Variants in CFI observed in about 807,000 individuals in gnomAD.
CFI encodes complement factor I.
CFI carries 66 observed loss-of-function variants against 78.8 expected under a neutral mutation model. That is an observed-to-expected ratio of 0.84 (90% CI 0.69 to 1.03). The LOEUF is 1.03. Ranked by LOEUF, CFI falls within the 50% of genes least tolerant of loss-of-function variation. CFI has a pLI of 0.00. For synonymous variants in CFI, 250 were observed against 232.6 expected (o/e 1.07, Z -0.68); for missense variants, 706 against 704.5 (o/e 1.00, Z -0.02).
At chr4:109,750,913 T>C (rs1360268755) in intron 8 of CFI, among the ~76,000 whole-genome samples, 1 of 152,154 alleles carries the variant, frequency 6.6e-6, no homozygotes, top group Middle Eastern at 3.2e-3. Flanking sequence ...TATTATTCCT[T>C]GTATAAGAGC....
chr4:109,733,018 C>T, the CFI span, among the ~76,000 whole-genome samples: 1 of 151,616 alleles, frequency 6.6e-6, no homozygotes, highest in Non-Finnish European at 1.5e-5. Flanking sequence ...GTTGCCCAGG[C>T]TGGAGTACAG....
chr4:109,786,126 G>A (rs1235891786), intron 1 of CFI, among the ~76,000 whole-genome samples: 1 of 151,970 alleles, frequency 6.6e-6, no homozygotes, highest in Admixed American at 6.6e-5. Context: ...TGTCTCCTGG[G>A]TTCAAGCAAT....
intron 7 of CFI, among the ~76,000 whole-genome samples, chr4:109,753,682 T>C (rs1362139609): frequency 9.0e-6 from 1 of 111,340 alleles, no homozygotes; most frequent in African/African-American, 3.8e-5. Context: ...TTATATTATA[T>C]ATTATATAAT....
At chr4:109,769,431 C>T (rs576919182) in intron 1 of CFI, among the ~76,000 whole-genome samples, 5 of 152,230 alleles carry the variant, frequency 3.3e-5, no homozygotes, top group African/African-American at 1.2e-4. Context: ...GTGATGGGTC[C>T]TTTCTGAGCT....
chr4:109,768,584 G>C (rs1430794556), intron 1 of CFI, among the ~76,000 whole-genome samples: 1 of 152,108 alleles, frequency 6.6e-6, no homozygotes, highest in African/African-American at 2.4e-5. Context: ...AATAATATGA[G>C]GGCTGGGAAC....
At chr4:109,731,525 C>T in the CFI span, among the ~76,000 whole-genome samples, 1 of 152,170 alleles carries the variant, frequency 6.6e-6, no homozygotes, top group Non-Finnish European at 1.5e-5. Flanking sequence ...ATGTGCCAGG[C>T]ACTTCATGAA....
At chr4:109,757,551 G>A (rs1726477912) in intron 7 of CFI, among the ~76,000 whole-genome samples, 1 of 152,158 alleles carries the variant, frequency 6.6e-6, no homozygotes, top group Non-Finnish European at 1.5e-5. Flanking sequence ...TCTGGATGGT[G>A]TTTTGGTCAG....
chr4:109,757,773 A>G lies in CFI; in HGVS notation c.894T>C (p.Ser298=). ...EDEVGCAGFA[S]VTQEETEILT... is the part of the protein sequence containing the mutation. ...TAATAAAAATTTTACCTTGAGTCAC[A>G]GATGCAAAGCCTGAAGAAAACAAAA... The change falls in exon 7 of 13, where the codon TCT becomes TCC. Residue 298 remains serine (S), a synonymous_variant. Coordinates refer to ENST00000394634, the MANE Select transcript of CFI (RefSeq NM_000204.5). The G allele has an allele frequency of 6.9e-7, 1 of 1,456,594 alleles. No homozygotes were observed. The allele number at this position is 1,456,594 out of a possible 1,614,324, so 90.2% of individuals were successfully genotyped here.
downstream of CFI, among the ~76,000 whole-genome samples, chr4:109,738,426 A>G (rs1000647091): frequency 1.3e-5 from 2 of 151,948 alleles, no homozygotes; most frequent in Non-Finnish European, 2.9e-5. Context: ...TTCTCTTTTT[A>G]TCTCATACAC....
chr4:109,763,133 T>C (rs1183894282), intron 3 of CFI, among the ~76,000 whole-genome samples: 2 of 152,102 alleles, frequency 1.3e-5, no homozygotes, highest in Non-Finnish European at 2.9e-5. Flanking sequence ...ATGAAGTAAA[T>C]CTGAGTAAGC....
At chr4:109,771,584 T>A (rs1295242596) in intron 1 of CFI, among the ~76,000 whole-genome samples, 1 of 149,940 alleles carries the variant, frequency 6.7e-6, no homozygotes. Flanking sequence ...CGTAGTGGTG[T>A]GTGCCTGTAA....
chr4:109,736,187 T>G (rs1365977547), downstream of CFI, among the ~76,000 whole-genome samples: 3 of 152,166 alleles, frequency 2.0e-5, no homozygotes, highest in Non-Finnish European at 4.4e-5. Context: ...TTCTTCTCCT[T>G]ATGTTGAGGG....
rs76187437 is a variant in CFI at position 109,760,984 on chromosome 4, G to C, written c.659-348C>G. 5.3e-3 allele frequency among the ~76,000 whole-genome samples: 809 copies of C among 152,218 alleles called. 7 individuals carry two copies. Among genetic ancestry groups the C allele is most frequent in the African/African-American group, 0.019 (775 of 41,520 alleles). ...ATCCTCACCCCTACTCCCAAGACTTGCTTGGTTAGTGCCATTTGTTTACAT... is the reference window on the plus strand; with the variant it reads ...ATCCTCACCCCTACTCCCAAGACTTCCTTGGTTAGTGCCATTTGTTTACAT... On this transcript the variant is annotated intron_variant, in intron 4 of 12. Transcript: ENST00000394634.
the CFI span, among the ~76,000 whole-genome samples, chr4:109,732,812 G>A: frequency 6.0e-5 from 9 of 149,702 alleles, no homozygotes; most frequent in East Asian, 1.2e-3. Flanking sequence ...AGCCAAGATC[G>A]TGCCACTGCA....
Position 109,782,597 on chromosome 4 carries a change from C to T in CFI, c.58-15773G>A, listed in dbSNP as rs187528849. On this transcript the variant is annotated intron_variant, in intron 1 of 12. Coordinates refer to ENST00000394634, the MANE Select transcript of CFI (RefSeq NM_000204.5). ...ATCAATATTGTGAAAATGCCCATAC[C>T]GCCAAAAGAAATCTACAAATTCAAT... Among the ~76,000 whole-genome samples the T allele has an allele frequency of 2.4e-3, 370 of 151,902 alleles. 1 individual carries two copies. The highest frequency in any genetic ancestry group is 8.6e-3 in the African/African-American group (355 of 41,468).
At position 109,761,360 on chromosome 4, in the gene CFI, A is replaced by C. The variant is rs111330934; in HGVS notation, c.658+157T>G. 2.2e-3 allele frequency among the ~76,000 whole-genome samples: 337 copies of C among 152,300 alleles called. 1 individual carries two copies. The highest frequency in any genetic ancestry group is 7.5e-3 in the African/African-American group (310 of 41,554). ...ATGGCAAAATGGTACAATAGGGGAA[A>C]GGTACCAATTTAGACTCTAAAGCCC... On this transcript the variant is annotated intron_variant, in intron 4 of 12. Coordinates refer to ENST00000394634, the MANE Select transcript of CFI (RefSeq NM_000204.5).
chr4:109,742,322 G>C, intron 12 of CFI, 169 bp downstream of exon 12: 1 of 640,054 alleles, frequency 1.6e-6, no homozygotes. Context: ...ATTAGAGGAA[G>C]AAACCTGAGC....
At chr4:109,735,697 T>C (rs1163829092), downstream of CFI, among the ~76,000 whole-genome samples, 1 of 152,232 alleles carries the variant, frequency 6.6e-6, no homozygotes. Flanking sequence ...CTATGGCTAG[T>C]GCCAATGTCG....
intron 3 of CFI, 111 bp from the exon 4 acceptor site, chr4:109,761,803 G>C (rs1240201904): frequency 1.1e-6 from 1 of 884,232 alleles, no homozygotes; most frequent in Non-Finnish European, 1.8e-6. Flanking sequence ...CTCTATATAG[G>C]AGTTACAGCT....
Sources: allele counts gnomAD v4.1 joint callset (sites outside exome capture counted in the v4.1 genomes callset), GRCh38; gene constraint gnomAD v4.1.1; transcripts MANE v1.5; gene names NCBI Gene and HGNC (gene_info 2026-07-23, HGNC 2026-07-21).